Variants in ROR1 observed in about 807,000 individuals in gnomAD.
ROR1 encodes the protein ROR family WNT receptor 1.
In ROR1, 19 loss-of-function variants were observed where a neutral mutation model predicts 78.8. The observed-to-expected ratio is 0.24, with a 90% confidence interval of 0.17 to 0.35. ROR1 has a LOEUF of 0.35. Among genes scored for constraint, ROR1 ranks in the 10% least tolerant of loss-of-function variants. The pLI, the probability that ROR1 is intolerant of heterozygous loss-of-function variation, is 1.00. For synonymous variants in ROR1, 386 were observed against 433.6 expected, an observed-to-expected ratio of 0.89 and a Z score of 1.36; for missense variants, 917 against 1,177.8, an observed-to-expected ratio of 0.78 and a Z score of 3.24.
intron 1 of ROR1, among the ~76,000 whole-genome samples, chr1:63,876,445 C>T (rs1645285414): frequency 6.6e-6 from 1 of 152,080 alleles, no homozygotes; most frequent in African/African-American, 2.4e-5. Flanking sequence ...CCCCAACCAC[C>T]TCCATCCAAC....
intron 2 of ROR1, among the ~76,000 whole-genome samples, chr1:64,011,289 A>G (rs1646472602): frequency 6.6e-6 from 1 of 152,214 alleles, no homozygotes; most frequent in Non-Finnish European, 1.5e-5. Context: ...TTTTCAACAA[A>G]TATTTATAGA....
intron 1 of ROR1, among the ~76,000 whole-genome samples, chr1:63,873,098 C>T (rs777420963): frequency 2.0e-5 from 3 of 151,980 alleles, no homozygotes; most frequent in Non-Finnish European, 4.4e-5. Context: ...CCCCCCAAAT[C>T]GAGGTTGTAA....
At chr1:63,809,949 C>T (rs1050244286) in intron 1 of ROR1, among the ~76,000 whole-genome samples, 6 of 152,156 alleles carry the variant, frequency 3.9e-5, no homozygotes, top group African/African-American at 1.2e-4. Context: ...AGAGAAATTT[C>T]ATAAAACAAA....
At chr1:64,002,488 G>C (rs1002355145) in intron 1 of ROR1, among the ~76,000 whole-genome samples, 6 of 152,170 alleles carry the variant, frequency 3.9e-5, no homozygotes, top group Non-Finnish European at 7.3e-5. Context: ...CATATATAAT[G>C]AATGAATAAG....
At chr1:63,881,510 A>G (rs1645323279) in intron 1 of ROR1, among the ~76,000 whole-genome samples, 1 of 152,186 alleles carries the variant, frequency 6.6e-6, no homozygotes, top group South Asian at 2.1e-4. Context: ...TCTGCTCAGA[A>G]TCAGGTGGAG....
intron 4 of ROR1, among the ~76,000 whole-genome samples, chr1:64,070,682 G>T (rs995889159): frequency 6.6e-6 from 1 of 152,094 alleles, no homozygotes; most frequent in Non-Finnish European, 1.5e-5. Flanking sequence ...CCTTGTGGGG[G>T]TTCATTTGCT....
chr1:63,808,733 T>C (rs764155865), intron 1 of ROR1, among the ~76,000 whole-genome samples: 22 of 152,032 alleles, frequency 1.4e-4, no homozygotes, highest in Non-Finnish European at 7.4e-5. Context: ...TATTTTCCAG[T>C]CACTGTAGAT....
intron 7 of ROR1, among the ~76,000 whole-genome samples, chr1:64,156,665 C>A (rs1251616773): frequency 6.8e-6 from 1 of 147,262 alleles, no homozygotes; most frequent in Non-Finnish European, 1.5e-5. Flanking sequence ...CGAGATCGCA[C>A]CATTGCACTC....
chr1:63,856,154 C>T (rs1645147136), intron 1 of ROR1, among the ~76,000 whole-genome samples: 1 of 151,710 alleles, frequency 6.6e-6, no homozygotes, highest in Admixed American at 6.6e-5. Context: ...GATTAGATGC[C>T]AGACATTGTG....
In ROR1 at chr1:64,142,728, C is replaced by T; in HGVS notation, c.1174+78C>T. 2.5e-6 allele frequency: 4 copies of T among 1,571,118 alleles called. No homozygotes were observed. In the South Asian group the frequency reaches 3.5e-5, roughly 14 times the overall value. ...TCCTACCCCTCTTATTTAGGAGAAT[C>T]CTATAAGGGGGGCAAAGAAAATGGA... On this transcript the variant is annotated intron_variant, in intron 7 of 8. Transcript: ENST00000371079.
At chr1:64,140,537 T>C (rs1649276822) in intron 6 of ROR1, 111 bp downstream of exon 6, 1 of 986,424 alleles carries the variant, frequency 1.0e-6, no homozygotes, top group African/African-American at 1.6e-5. Flanking sequence ...ATCAAATTAT[T>C]TTCCAATGGG....
intron 4 of ROR1, among the ~76,000 whole-genome samples, chr1:64,129,922 T>C (rs1569822762): frequency 6.6e-6 from 1 of 152,136 alleles, no homozygotes; most frequent in African/African-American, 2.4e-5. Context: ...CTTTTCTGAG[T>C]TGGACACAAG....
chr1:64,013,557 A>G (rs1260669194), intron 2 of ROR1, among the ~76,000 whole-genome samples: 1 of 152,090 alleles, frequency 6.6e-6, no homozygotes, highest in Non-Finnish European at 1.5e-5. Flanking sequence ...CTTTTACTTA[A>G]GCACACCTTG....
intron 4 of ROR1, among the ~76,000 whole-genome samples, chr1:64,115,642 G>A (rs1398860079): frequency 6.6e-6 from 1 of 151,556 alleles, no homozygotes; most frequent in African/African-American, 2.4e-5. Context: ...AAAAGAATAA[G>A]CACTCAATAT....
chr1:64,135,218 G>T (rs1027785035), intron 4 of ROR1, among the ~76,000 whole-genome samples: 2 of 152,122 alleles, frequency 1.3e-5, no homozygotes, highest in African/African-American at 4.8e-5. Context: ...TGCAGCCAAG[G>T]AATTGCATTC....
intron 1 of ROR1, among the ~76,000 whole-genome samples, chr1:63,815,046 C>T (rs1028493666): frequency 2.0e-5 from 3 of 152,154 alleles, no homozygotes; most frequent in Non-Finnish European, 4.4e-5. Context: ...TGCCTATTAG[C>T]TTTGATCTCT....
chr1:64,042,587 A>G (rs574882163), intron 2 of ROR1, among the ~76,000 whole-genome samples: 8 of 152,282 alleles, frequency 5.3e-5, no homozygotes, highest in Middle Eastern at 3.4e-3. Context: ...TCATACCTTC[A>G]GGTTACCCAC....
At chr1:64,123,375 A>G (rs560934241) in intron 4 of ROR1, among the ~76,000 whole-genome samples, 21 of 152,140 alleles carry the variant, frequency 1.4e-4, no homozygotes, top group Admixed American at 5.2e-4. Flanking sequence ...GACATGTTGG[A>G]TTTAAGGACA....
chr1:63,836,766 A>G (rs1429363431), intron 1 of ROR1, among the ~76,000 whole-genome samples: 1 of 152,156 alleles, frequency 6.6e-6, no homozygotes, highest in Non-Finnish European at 1.5e-5. Flanking sequence ...TTTTGTGACC[A>G]CTAATGCAAT....
Sources: gnomAD v4.1 joint callset for allele counts (sites outside exome capture counted in the v4.1 genomes callset) on GRCh38, gnomAD v4.1.1 for gene constraint, MANE v1.5 for transcripts, NCBI Gene and HGNC (gene_info 2026-07-23, HGNC 2026-07-21) for gene names.